Variants in SUPT3H observed in about 807,000 individuals in gnomAD.
The protein encoded by SUPT3H is SPT3 homolog, SAGA and STAGA complex component.
SUPT3H carries 44 observed loss-of-function variants against 44.3 expected under a neutral mutation model. The ratio of observed to expected loss-of-function variants is 0.99; its 90% CI spans 0.78 to 1.28. The LOEUF (loss-of-function observed/expected upper bound fraction) is 1.28. SUPT3H is among the 50% of genes most tolerant of loss of function. The probability of loss-of-function intolerance (pLI) is 0.00; values close to 1 mark genes in which losing one functional copy is unlikely to be tolerated. For synonymous variants in SUPT3H, 124 were observed against 125.6 expected (o/e 0.99, Z 0.09); for missense variants, 380 against 387.1 (o/e 0.98, Z 0.15).
intron 5 of SUPT3H, among the ~76,000 whole-genome samples, chr6:45,008,619 T>C (rs1783044760): frequency 6.6e-6 from 1 of 151,900 alleles, no homozygotes; most frequent in African/African-American, 2.4e-5. Context: ...CCTCCCAAAA[T>C]GCTGGGATTA....
chr6:45,214,037 A>AAAAG (rs1764599920), intron 2 of SUPT3H, among the ~76,000 whole-genome samples: 1 of 150,024 alleles, frequency 6.7e-6, no homozygotes, highest in Non-Finnish European at 1.5e-5. Context: ...AAAAAAAAAC[A>AAAAG]AGTCAATAGA....
chr6:45,044,414 C>T (rs1407591938), intron 3 of SUPT3H, among the ~76,000 whole-genome samples: 1 of 152,142 alleles, frequency 6.6e-6, no homozygotes, highest in Non-Finnish European at 1.5e-5. Context: ...ATCTACAGCA[C>T]TAGGGAATAG....
intron 2 of SUPT3H, among the ~76,000 whole-genome samples, chr6:45,141,861 A>T (rs1805271275): frequency 6.6e-6 from 1 of 152,210 alleles, no homozygotes; most frequent in South Asian, 2.1e-4. Flanking sequence ...CTAGCTAGAG[A>T]TCTAGACATT....
intron 3 of SUPT3H, among the ~76,000 whole-genome samples, chr6:45,053,730 A>C (rs1279894924): frequency 8.2e-5 from 10 of 122,396 alleles, no homozygotes; most frequent in Admixed American, 7.7e-4. Context: ...AACCCCATCT[A>C]CTAAAAATAC....
chr6:45,059,597 C>G (rs77194731), intron 3 of SUPT3H, among the ~76,000 whole-genome samples: 2 of 151,962 alleles, frequency 1.3e-5, no homozygotes, highest in Non-Finnish European at 2.9e-5. Context: ...GGCAATCAGG[C>G]AAGAGAAAGA....
chr6:44,919,461 T>C (rs1171319508), intron 10 of SUPT3H, among the ~76,000 whole-genome samples: 2 of 24,780 alleles, frequency 8.1e-5, no homozygotes, highest in African/African-American at 3.2e-4. Flanking sequence ...AGCTATAGTG[T>C]ATTTTTTTTT....
At chr6:45,243,197 C>CAAAAAAAAAAAAAAA (rs61643038) in intron 2 of SUPT3H, among the ~76,000 whole-genome samples, 1 of 72,562 alleles carries the variant, frequency 1.4e-5, no homozygotes, top group Non-Finnish European at 2.2e-5. Flanking sequence ...GACTCCTTCT[C>CAAAAAAAAAAAAAAA]AAAAAAAAAA....
intron 2 of SUPT3H, among the ~76,000 whole-genome samples, chr6:45,221,079 T>G (rs1365547643): frequency 6.6e-6 from 1 of 152,144 alleles, no homozygotes; most frequent in South Asian, 2.1e-4. Flanking sequence ...TGTAGGGACA[T>G]GGATAAAGCT....
intron 2 of SUPT3H, among the ~76,000 whole-genome samples, chr6:45,196,127 A>G: frequency 6.6e-6 from 1 of 152,072 alleles, no homozygotes; most frequent in East Asian, 1.9e-4. Context: ...TACACAATAG[A>G]TATCTGACTT....
chr6:45,156,988 T>A (rs185919882), intron 2 of SUPT3H, among the ~76,000 whole-genome samples: 287 of 152,248 alleles, frequency 1.9e-3, no homozygotes, highest in African/African-American at 6.7e-3. Context: ...CTATACTTGA[T>A]CTGTTGATTT....
intron 2 of SUPT3H, among the ~76,000 whole-genome samples, chr6:45,230,775 C>A (rs889585351): frequency 6.7e-6 from 1 of 149,930 alleles, no homozygotes; most frequent in Non-Finnish European, 1.5e-5. Flanking sequence ...TGGGTTCAAG[C>A]GATTCCCCTG....
chr6:45,085,632 G>A (rs1278944624), intron 3 of SUPT3H, among the ~76,000 whole-genome samples: 1 of 151,974 alleles, frequency 6.6e-6, no homozygotes, highest in Non-Finnish European at 1.5e-5. Flanking sequence ...GTAGCAGAAA[G>A]TATTTAACAC....
intron 10 of SUPT3H, among the ~76,000 whole-genome samples, chr6:44,849,312 C>T (rs1273279562): frequency 4.8e-5 from 7 of 147,306 alleles, no homozygotes; most frequent in South Asian, 2.2e-4. Flanking sequence ...CTGCAAGCTC[C>T]GCCTCCCGGG....
At chr6:44,867,040 A>G (rs1347859327) in intron 10 of SUPT3H, among the ~76,000 whole-genome samples, 3 of 152,236 alleles carry the variant, frequency 2.0e-5, no homozygotes, top group Non-Finnish European at 4.4e-5. Context: ...ACTGAAGAAA[A>G]CTATTTCTTA....
intron 2 of SUPT3H, among the ~76,000 whole-genome samples, chr6:45,324,335 G>A (rs1447653044): frequency 6.6e-6 from 1 of 151,954 alleles, no homozygotes; most frequent in Non-Finnish European, 1.5e-5. Context: ...ATTAAAAACA[G>A]CTGAAAGAAA....
chr6:45,160,948 A>G (rs1808852649), intron 2 of SUPT3H, among the ~76,000 whole-genome samples: 1 of 151,878 alleles, frequency 6.6e-6, no homozygotes, highest in Admixed American at 6.6e-5. Context: ...GCCTAGTGGG[A>G]GGTGTTTGGG....
chr6:45,046,626 C>A (rs1281139186), intron 3 of SUPT3H, among the ~76,000 whole-genome samples: 3 of 152,228 alleles, frequency 2.0e-5, no homozygotes, highest in Admixed American at 1.3e-4. Flanking sequence ...CCACCGCTCT[C>A]AGCCCATACT....
intron 10 of SUPT3H, among the ~76,000 whole-genome samples, chr6:44,892,478 C>A (rs1056799446): frequency 1.3e-5 from 2 of 152,142 alleles, no homozygotes; most frequent in East Asian, 1.9e-4. Context: ...AAATAAATTT[C>A]TGTTGTTTAA....
At chr6:45,128,533 A>AAAT (rs1554257896) in intron 2 of SUPT3H, among the ~76,000 whole-genome samples, 11 of 52,252 alleles carry the variant, frequency 2.1e-4, no homozygotes, top group Non-Finnish European at 3.0e-4. Context: ...AAAAAAAAAA[A>AAAT]ATATATATAT....
Sources: allele counts gnomAD v4.1 joint callset (sites outside exome capture counted in the v4.1 genomes callset), GRCh38; gene constraint gnomAD v4.1.1; transcripts MANE v1.5; gene names NCBI Gene and HGNC (gene_info 2026-07-23, HGNC 2026-07-21).